Variants in NACC2 observed in about 807,000 individuals in gnomAD.
NACC2 encodes NACC family member 2.
In NACC2, 8 loss-of-function variants were observed where a neutral mutation model predicts 25.1. That is an observed-to-expected ratio of 0.32 (90% CI 0.19 to 0.57). NACC2 has a LOEUF of 0.57. NACC2 is among the 20% of genes least tolerant of loss of function. The pLI, the probability that NACC2 is intolerant of heterozygous loss-of-function variation, is 0.89. For synonymous variants in NACC2, 435 were observed against 294.7 expected (o/e 1.48, Z -4.88); for missense variants, 644 against 650.2 (o/e 0.99, Z 0.10).
In NACC2 at chr9:136,085,158, TTTTTTG is replaced by T. The variant is rs1313357000; in HGVS notation, c.-60+10025_-60+10030del. Among the ~76,000 whole-genome samples the T allele has an allele frequency of 3.1e-4, 41 of 132,634 alleles. 1 individual carries two copies. The highest frequency in any genetic ancestry group is 2.1e-3 in the South Asian group (8 of 3,828). 87.0% of individuals were successfully genotyped at this position (132,634 alleles called of 152,430 possible). A position where few individuals can be genotyped will look rare whatever the true frequency, so the allele number is the denominator to read the frequency against. ...TACAATTTTTTTTTTTTTTTTTTTT[TTTTTTG>T]GCGAGACTGAGTTTCGCTCTTGTCG... On this transcript the variant is annotated intron_variant, in intron 1 of 5. Coordinates refer to ENST00000277554, the MANE Select transcript of NACC2 (RefSeq NM_144653.5).
In NACC2 at chr9:136,079,819, C is replaced by G. The variant is rs7852562; in HGVS notation, c.-60+15370G>C. On this transcript the variant is annotated intron_variant, in intron 1 of 5. Transcript: ENST00000277554. ...TAAGATTTCAGGCCACCAGGACAGGCAGCAGCCGGGGAAGTCTCAACTTTC... is the reference window on the plus strand; with the variant it reads ...TAAGATTTCAGGCCACCAGGACAGGGAGCAGCCGGGGAAGTCTCAACTTTC... Among the ~76,000 whole-genome samples, 1,438 of 152,336 alleles carry G rather than the reference C, an allele frequency of 9.4e-3. 20 individuals carry two copies. Among genetic ancestry groups the G allele is most frequent in the African/African-American group, 0.032 (1,338 of 41,582 alleles).
At chr9:136,027,688 T>C (rs929378586) in intron 2 of NACC2, among the ~76,000 whole-genome samples, 1 of 152,206 alleles carries the variant, frequency 6.6e-6, no homozygotes, top group African/African-American at 2.4e-5. Context: ...AATGAAAATC[T>C]GACATGAAAA....
At chr9:136,048,316 ATTCCCCGGAGGCCTCAGCCAGCCGG>A in intron 2 of NACC2, among the ~76,000 whole-genome samples, 1 of 152,122 alleles carries the variant, frequency 6.6e-6, no homozygotes. Flanking sequence ...CATGGGGCGG[ATTCCCCGGAGGCCTCAGCCAGCCGG>A]GTCCACAAGC....
At chr9:136,061,552 G>C (rs1474465898) in intron 1 of NACC2, among the ~76,000 whole-genome samples, 1 of 152,184 alleles carries the variant, frequency 6.6e-6, no homozygotes, top group Admixed American at 6.5e-5. Flanking sequence ...GGGCCGTGCT[G>C]ATTGTACCCA....
intron 1 of NACC2, among the ~76,000 whole-genome samples, chr9:136,071,903 G>A (rs1841157463): frequency 6.6e-6 from 1 of 152,094 alleles, no homozygotes; most frequent in African/African-American, 2.4e-5. Context: ...ACGTCCAGAC[G>A]CAAATGTGCT....
At chr9:136,057,562 G>A (rs1840943178) in intron 1 of NACC2, among the ~76,000 whole-genome samples, 1 of 152,224 alleles carries the variant, frequency 6.6e-6, no homozygotes, top group Admixed American at 6.5e-5. Flanking sequence ...ACCCATATTT[G>A]TAATTTAAAT....
In NACC2 at chr9:136,013,833, T is replaced by C; in HGVS notation, c.1157+31A>G. 1.3e-6 allele frequency: 2 copies of C among 1,586,938 alleles called. No homozygotes were observed. The highest frequency in any genetic ancestry group is 2.2e-5 in the South Asian group (2 of 90,292). Reference sequence around the variant, plus strand: ...GAGCCAGAACCCTCCGCAGCTCCATTGTGCCCTCCAGCACTCCTGCCCCGA... The same window carrying C: ...GAGCCAGAACCCTCCGCAGCTCCATCGTGCCCTCCAGCACTCCTGCCCCGA... On this transcript the variant is annotated intron_variant, in intron 4 of 5. Transcript: ENST00000277554. This position sits in a 1 kb window ranked among gnomAD's most constrained non-coding sequence, Gnocchi z 6.6.
At chr9:136,031,935 G>A (rs529248516) in intron 2 of NACC2, among the ~76,000 whole-genome samples, 4 of 152,330 alleles carry the variant, frequency 2.6e-5, no homozygotes, top group East Asian at 1.9e-4. Flanking sequence ...TGATGTGTAT[G>A]GGCAGCTGTT....
At chr9:136,062,097 G>T (rs954878823) in intron 1 of NACC2, among the ~76,000 whole-genome samples, 7 of 149,526 alleles carry the variant, frequency 4.7e-5, no homozygotes, top group Admixed American at 1.3e-4. Context: ...CTGTACTCCA[G>T]CCTGGGCAAC....
Position 136,061,602 on chromosome 9 carries a change from C to T in NACC2, c.-59-11022G>A, listed in dbSNP as rs191308422. 1.6e-4 allele frequency among the ~76,000 whole-genome samples: 24 copies of T among 152,240 alleles called. No homozygotes were observed. The East Asian group carries it at 3.1e-3, about 20-fold the overall frequency. ...CACGTTCGGGGGTTGAGACCCTGTG[C>T]GGCTCACACCTGGACCCAGCAGGTC... On this transcript the variant is annotated intron_variant, in intron 1 of 5. Coordinates refer to ENST00000277554, the MANE Select transcript of NACC2 (RefSeq NM_144653.5).
rs760726545 is a variant in NACC2, at chr9:136,011,557, C to T, written c.1723G>A (p.Ala575Thr). ...GPSRPQTPAA[A>T]ARRPEGTYAG... ...TAGGTGCCCTCCGGCCTCCGGGCCG[C>T]GGCCGCCGGCGTCTGGGGCCTGCTG... Residue 575 changes from alanine to threonine, a missense_variant, in exon 6 of 6, where the codon GCG becomes ACG. Ala to Thr is a moderately conservative substitution (Grantham distance 58, BLOSUM62 0). Coordinates refer to ENST00000277554, the MANE Select transcript of NACC2 (RefSeq NM_144653.5). 2.6e-5 allele frequency: 36 copies of T among 1,407,284 alleles called. No individual in the cohort carries two copies. In the Admixed American group the frequency reaches 3.8e-4, roughly 15 times the overall value. The allele number at this position is 1,407,284 out of a possible 1,614,324, so 87.2% of individuals were successfully genotyped here.
rs187701638 is a variant in NACC2, at chr9:136,082,964, G to A, written c.-60+12225C>T. 5.2e-4 allele frequency among the ~76,000 whole-genome samples: 79 copies of A among 152,326 alleles called. 1 individual carries two copies. Among genetic ancestry groups the A allele is most frequent in the African/African-American group, 1.9e-3 (78 of 41,564 alleles). On this transcript the variant is annotated intron_variant, in intron 1 of 5. Coordinates refer to ENST00000277554, the MANE Select transcript of NACC2 (RefSeq NM_144653.5). ...CCTCACTCCTGCCAGATATCAGGGCGAGGGGGAAGACGCCGTGTTTTACGG... is the reference window on the plus strand; with the variant it reads ...CCTCACTCCTGCCAGATATCAGGGCAAGGGGGAAGACGCCGTGTTTTACGG...
chr9:136,012,966 C>T (rs933894590), intron 5 of NACC2, among the ~76,000 whole-genome samples: 5 of 152,242 alleles, frequency 3.3e-5, no homozygotes, highest in South Asian at 2.1e-4. Context: ...AAAATAGTTT[C>T]GCAGCTGAAT....
chr9:136,073,120 T>C lies in NACC2; in HGVS notation c.-60+22069A>G, dbSNP rs944397039. Among the ~76,000 whole-genome samples the C allele has an allele frequency of 2.6e-5, 4 of 151,870 alleles. No individual in the cohort carries two copies. The South Asian group carries it at 6.2e-4, about 24-fold the overall frequency. Reference sequence around the variant, plus strand: ...AGGAACACATTTAACAAAGGACTAATATCTAGGCTACATAAAGAATTAATT... The same window carrying C: ...AGGAACACATTTAACAAAGGACTAACATCTAGGCTACATAAAGAATTAATT... On this transcript the variant is annotated intron_variant, in intron 1 of 5. Coordinates refer to ENST00000277554, the MANE Select transcript of NACC2 (RefSeq NM_144653.5).
rs1018995526 is a variant in NACC2 at position 136,047,571 on chromosome 9, G to A, written c.886+2065C>T. On this transcript the variant is annotated intron_variant, in intron 2 of 5. Transcript: ENST00000277554. ...AATGCCGCGCAGCACCTGCGGCCTG[G>A]ACAAAGCCCTGCAGGAACATGGCCT... Among the ~76,000 whole-genome samples the A allele has an allele frequency of 3.9e-3, 590 of 152,318 alleles. 3 individuals carry two copies. The highest frequency in any genetic ancestry group is 0.013 in the African/African-American group (555 of 41,564).
chr9:136,040,012 T>TA (rs1242081200), intron 2 of NACC2, among the ~76,000 whole-genome samples: 3 of 152,078 alleles, frequency 2.0e-5, no homozygotes, highest in African/African-American at 7.2e-5. Context: ...TCACTAAAGG[T>TA]AGCAAGGTTG....
chr9:136,015,382 C>T (rs1840184142), intron 3 of NACC2, among the ~76,000 whole-genome samples: 1 of 152,216 alleles, frequency 6.6e-6, no homozygotes, highest in Non-Finnish European at 1.5e-5. Context: ...GCAAGGTGGG[C>T]CCCTACCCCT....
intron 1 of NACC2, among the ~76,000 whole-genome samples, chr9:136,066,384 A>C (rs767368791): frequency 1.3e-5 from 2 of 152,230 alleles, no homozygotes; most frequent in Non-Finnish European, 2.9e-5. Context: ...ACAAATGTCC[A>C]ATATACACAC....
chr9:136,073,285 C>G (rs2131179734), intron 1 of NACC2, among the ~76,000 whole-genome samples: 1 of 152,174 alleles, frequency 6.6e-6, no homozygotes, highest in South Asian at 2.1e-4. Context: ...AATAAACTAG[C>G]TGGGCATGGT....
Sources: allele counts gnomAD v4.1 joint callset (sites outside exome capture counted in the v4.1 genomes callset), GRCh38; gene constraint gnomAD v4.1.1; non-coding constraint Gnocchi (gnomAD v3.1); transcripts MANE v1.5; gene names NCBI Gene and HGNC (gene_info 2026-07-23, HGNC 2026-07-21).